SND1: variants seen among roughly 807,000 people sequenced by gnomAD.
The protein encoded by SND1 is staphylococcal nuclease and tudor domain containing 1.
Under a neutral mutation model 121.7 loss-of-function variants are expected in SND1, and 38 were observed. That is an observed-to-expected ratio of 0.31 (90% CI 0.24 to 0.41). The LOEUF (loss-of-function observed/expected upper bound fraction) is 0.41, where lower values mean the gene tolerates loss of function less well. Ranked by LOEUF, SND1 falls within the 10% of genes least tolerant of loss-of-function variation. The pLI is 1.00. For synonymous variants in SND1, 401 were observed against 447.4 expected (o/e 0.90, Z 1.31); for missense variants, 868 against 1,184.6 (o/e 0.73, Z 3.92).
At chr7:127,914,259 C>T (rs1300246778) in intron 14 of SND1, among the ~76,000 whole-genome samples, 1 of 152,192 alleles carries the variant, frequency 6.6e-6, no homozygotes, top group African/African-American at 2.4e-5. Flanking sequence ...TCCTCCACTA[C>T]TTAAGGTCCT....
intron 16 of SND1, among the ~76,000 whole-genome samples, chr7:128,001,792 A>C (rs1211095005): frequency 6.6e-6 from 1 of 152,196 alleles, no homozygotes; most frequent in Non-Finnish European, 1.5e-5. Flanking sequence ...TCAGCTGGGC[A>C]TGGTGGCACA....
intron 15 of SND1, among the ~76,000 whole-genome samples, chr7:127,934,181 G>A (rs1360423795): frequency 2.0e-5 from 3 of 152,164 alleles, no homozygotes; most frequent in Non-Finnish European, 4.4e-5. Flanking sequence ...TTGGGGGAGG[G>A]GAGTAGGAGG....
At position 127,766,066 on chromosome 7, in the gene SND1, A is replaced by G. The variant is rs150210741; in HGVS notation, c.1153-41418A>G. Among the ~76,000 whole-genome samples the G allele has an allele frequency of 5.9e-5, 9 of 152,330 alleles. No individual in the cohort carries two copies. In the East Asian group the frequency reaches 1.5e-3, roughly 26 times the overall value. ...GGCTTTGGGAAAGTTTAATGGATTA[A>G]TGCCCACATATAAGGGCTTGTTGGA... is the stretch of plus-strand genomic sequence containing the variant. On this transcript the variant is annotated intron_variant, in intron 10 of 23. Transcript: ENST00000354725.
At position 127,721,390 on chromosome 7, in the gene SND1, A is replaced by G. The variant is rs2116387444; in HGVS notation, c.1142A>G (p.Glu381Gly). 1.2e-6 allele frequency: 2 copies of G among 1,605,782 alleles called. No individual in the cohort carries two copies. The highest frequency in any genetic ancestry group is 1.7e-6 in the Non-Finnish European group (2 of 1,174,736). ...ATCCGACCACCGAGGCTGGAGGGGG[A>G]GAACACCCAGGTGAGAATAGGGAAG... Reference protein sequence around the residue: ...SSIRPPRLEGENTQDKNKKLR... With the variant: ...SSIRPPRLEGGNTQDKNKKLR... The change falls in exon 10 of 24, where the codon GAG becomes GGG. Residue 381 changes from glutamate (E) to glycine (G), a missense_variant. Glu to Gly is a moderately conservative substitution (Grantham distance 98). Transcript: ENST00000354725.
intron 10 of SND1, among the ~76,000 whole-genome samples, chr7:127,765,582 A>T (rs1251869938): frequency 2.0e-5 from 3 of 152,214 alleles, no homozygotes; most frequent in Non-Finnish European, 4.4e-5. Flanking sequence ...GTACTGAAGT[A>T]AGGACCAAGC....
rs757742774 is a variant in SND1 at position 127,686,773 on chromosome 7, C to A, written c.228+11C>A. 1.2e-6 allele frequency: 2 copies of A among 1,608,980 alleles called. No individual in the cohort carries two copies. Among genetic ancestry groups the A allele is most frequent in the East Asian group, 4.5e-5 (2 of 44,680 alleles). ...GATACCCCTGATGAGGTAGGTGTTT[C>A]CTGAGGCCATCGTGAGCCTGTGGAC... On this transcript the variant is annotated intron_variant, in intron 2 of 23. Coordinates refer to ENST00000354725, the MANE Select transcript of SND1 (RefSeq NM_014390.4).
At chr7:127,665,352 A>C (rs568713679) in intron 1 of SND1, among the ~76,000 whole-genome samples, 24 of 151,812 alleles carry the variant, frequency 1.6e-4, no homozygotes, top group Middle Eastern at 3.4e-3. Context: ...ACGCCCGGCC[A>C]ATTTTTTTGT....
In SND1 at chr7:127,857,535, G is replaced by A. The variant is rs1247422214; in HGVS notation, c.1343+13111G>A. Among the ~76,000 whole-genome samples the A allele has an allele frequency of 2.8e-5, 4 of 143,592 alleles. No homozygotes were observed. In the East Asian group the frequency reaches 6.0e-4, roughly 22 times the overall value. 94.2% of individuals were successfully genotyped at this position (143,592 alleles called of 152,430 possible). On this transcript the variant is annotated intron_variant, in intron 12 of 23. Coordinates refer to ENST00000354725, the MANE Select transcript of SND1 (RefSeq NM_014390.4). ...AAGTGAGGTTTCTTTTTTTTTCTTC[G>A]TAGCACAGTTGGGGGTGTTTACTTG...
At chr7:127,963,187 C>G (rs1047107734) in intron 15 of SND1, among the ~76,000 whole-genome samples, 1 of 151,732 alleles carries the variant, frequency 6.6e-6, no homozygotes, top group Non-Finnish European at 1.5e-5. Flanking sequence ...AAGTTGTTCA[C>G]TTTGGATGGA....
chr7:128,028,051 C>T (rs1389906924), intron 16 of SND1: 1 of 152,748 alleles, frequency 6.5e-6, no homozygotes, highest in African/African-American at 2.4e-5. Context: ...GACTCAGCCC[C>T]TTTAAGGGTT....
chr7:127,759,117 G>A (rs1021638476), intron 10 of SND1, among the ~76,000 whole-genome samples: 1 of 152,150 alleles, frequency 6.6e-6, no homozygotes, highest in Non-Finnish European at 1.5e-5. Context: ...CAGGCAGATA[G>A]GTGGTAGCAG....
At chr7:127,706,608 A>C (rs570105610) in intron 8 of SND1, among the ~76,000 whole-genome samples, 17 of 152,094 alleles carry the variant, frequency 1.1e-4, no homozygotes, top group Admixed American at 2.6e-4. Flanking sequence ...AATAATATCT[A>C]CATGTTATAT....
chr7:128,074,827 C>T, intron 17 of SND1, 137 bp downstream of exon 17: 1 of 809,970 alleles, frequency 1.2e-6, no homozygotes, highest in Admixed American at 2.6e-5. Context: ...TCAGACCCCA[C>T]ACCAAGGCCA....
chr7:128,034,032 A>G (rs1792703190), intron 16 of SND1, among the ~76,000 whole-genome samples: 1 of 152,222 alleles, frequency 6.6e-6, no homozygotes, highest in African/African-American at 2.4e-5. Flanking sequence ...AGATGAAGGC[A>G]CTTAGCTTAG....
chr7:127,741,586 G>GT (rs2116435331), intron 10 of SND1, among the ~76,000 whole-genome samples: 2 of 152,220 alleles, frequency 1.3e-5, no homozygotes, highest in African/African-American at 4.8e-5. Flanking sequence ...ACTGTTGCTT[G>GT]GTGAGGTGCT....
At chr7:127,880,376 T>C (rs1165763741) in intron 12 of SND1, among the ~76,000 whole-genome samples, 1 of 152,144 alleles carries the variant, frequency 6.6e-6, no homozygotes, top group East Asian at 1.9e-4. Context: ...ATTTCAGGCA[T>C]TTACTGGGGG....
intron 15 of SND1, among the ~76,000 whole-genome samples, chr7:127,952,253 G>C (rs900709460): frequency 6.6e-6 from 1 of 152,196 alleles, no homozygotes; most frequent in African/African-American, 2.4e-5. Flanking sequence ...AGCAGGTTTT[G>C]ATCTTGATTT....
At chr7:127,802,681 A>G (rs1025702117) in intron 10 of SND1, among the ~76,000 whole-genome samples, 3 of 152,056 alleles carry the variant, frequency 2.0e-5, no homozygotes, top group Admixed American at 6.6e-5. Context: ...GCTGGGTCCA[A>G]ACTCCATGTT....
At chr7:127,855,239 C>T (rs923568514) in intron 12 of SND1, among the ~76,000 whole-genome samples, 4 of 152,018 alleles carry the variant, frequency 2.6e-5, no homozygotes, top group African/African-American at 7.2e-5. Context: ...CCCACCTCAG[C>T]CTCCCAAGTA....
Sources: allele counts gnomAD v4.1 joint callset (sites outside exome capture counted in the v4.1 genomes callset), GRCh38; gene constraint gnomAD v4.1.1; transcripts MANE v1.5; gene names NCBI Gene and HGNC (gene_info 2026-07-23, HGNC 2026-07-21).